BCAS3: variants seen among roughly 807,000 people sequenced by gnomAD.
The protein encoded by BCAS3 is BCAS3 microtubule associated cell migration factor, also known as BCAS4/BCAS3 fusion.
BCAS3 carries 53 observed loss-of-function variants against 116.1 expected under a neutral mutation model. The observed-to-expected ratio is 0.46, with a 90% confidence interval of 0.37 to 0.57. The LOEUF (loss-of-function observed/expected upper bound fraction) is 0.57. Among genes scored for constraint, BCAS3 ranks in the 20% least tolerant of loss-of-function variants. The pLI is 0.00. For synonymous variants in BCAS3, 391 were observed against 408.2 expected, an observed-to-expected ratio of 0.96 and a Z score of 0.51; for missense variants, 917 against 1,165.4, an observed-to-expected ratio of 0.79 and a Z score of 3.10.
intron 7 of BCAS3, among the ~76,000 whole-genome samples, chr17:60,850,104 A>G (rs957397352): frequency 2.0e-5 from 3 of 152,046 alleles, no homozygotes; most frequent in African/African-American, 4.8e-5. Flanking sequence ...CCCATCATTA[A>G]CACATTAAAT....
intron 5 of BCAS3, among the ~76,000 whole-genome samples, chr17:60,730,279 C>T (rs939928192): frequency 6.6e-6 from 1 of 152,138 alleles, no homozygotes; most frequent in Non-Finnish European, 1.5e-5. Flanking sequence ...TTACAAGTTC[C>T]ATTCATTATT....
At chr17:61,091,735 A>G (rs1315604635) in intron 22 of BCAS3, among the ~76,000 whole-genome samples, 1 of 152,222 alleles carries the variant, frequency 6.6e-6, no homozygotes, top group African/African-American at 2.4e-5. Flanking sequence ...GTTGTTCCAG[A>G]GAAAAGTCTT....
rs2054117959 is a variant in BCAS3, at chr17:61,309,392, T to A, written c.2426-58935T>A. On this transcript the variant is annotated intron_variant, in intron 22 of 23. Coordinates refer to ENST00000407086, the MANE Select transcript of BCAS3 (RefSeq NM_017679.5). The surrounding 1 kb of genome is among the most constrained non-coding windows in gnomAD (Gnocchi z 4.6). ...ATGAGCATGCCTGAGTACTGAACACTACCGTGTCACTCCCCATGTTGCCAT... is the reference window on the plus strand; with the variant it reads ...ATGAGCATGCCTGAGTACTGAACACAACCGTGTCACTCCCCATGTTGCCAT... Among the ~76,000 whole-genome samples, 1 of 151,968 alleles carries A rather than the reference T, an allele frequency of 6.6e-6. No individual in the cohort carries two copies. The highest frequency in any genetic ancestry group is 1.5e-5 in the Non-Finnish European group (1 of 67,986).
intron 22 of BCAS3, among the ~76,000 whole-genome samples, chr17:61,284,957 G>T (rs2051605156): frequency 6.6e-6 from 1 of 152,218 alleles, no homozygotes; most frequent in Non-Finnish European, 1.5e-5. Flanking sequence ...TATAAGTGAA[G>T]TTTTCAAGCA....
At chr17:60,692,507 G>T (rs892385443) in intron 4 of BCAS3, among the ~76,000 whole-genome samples, 7 of 152,130 alleles carry the variant, frequency 4.6e-5, no homozygotes, top group Non-Finnish European at 7.4e-5. Context: ...CTCCCAAAGT[G>T]CTGGGATTAC....
chr17:61,306,731 G>T (rs922808635), intron 22 of BCAS3, among the ~76,000 whole-genome samples: 1 of 152,150 alleles, frequency 6.6e-6, no homozygotes, highest in Non-Finnish European at 1.5e-5. Flanking sequence ...AGCTGTGTGA[G>T]CTGTGTGAGC....
In BCAS3 at chr17:60,889,718, A is replaced by C. The variant is rs1180412407; in HGVS notation, c.685A>C (p.Asn229His). ...VTSCYPCPGP[N>H]MNPIALGSRW... ...AGGCTGCTATCCATGTCCAGGGCCAAACATGAATCCTATTGCTCTTGGGAG... is the reference window on the plus strand; with the variant it reads ...AGGCTGCTATCCATGTCCAGGGCCACACATGAATCCTATTGCTCTTGGGAG... The change falls in exon 10 of 24, where the codon AAC becomes CAC. Residue 229 changes from asparagine (N) to histidine (H), a missense_variant. Asn to His is a moderately conservative substitution (Grantham distance 68, BLOSUM62 1). This residue lies in a region of BCAS3 where 807 missense variants were observed against 1,026.0 expected (regional missense o/e 0.79). Coordinates refer to ENST00000407086, the MANE Select transcript of BCAS3 (RefSeq NM_017679.5). 6.2e-7 allele frequency: 1 copy of C among 1,613,268 alleles called. No individual in the cohort carries two copies. Among genetic ancestry groups the C allele is most frequent in the African/African-American group, 1.3e-5 (1 of 74,912 alleles).
chr17:61,119,744 T>G (rs1202890453), intron 22 of BCAS3, among the ~76,000 whole-genome samples: 1 of 152,012 alleles, frequency 6.6e-6, no homozygotes, highest in Non-Finnish European at 1.5e-5. Context: ...GACAATATAA[T>G]TTTTTCACTT....
At chr17:60,785,698 A>G (rs1028994638) in intron 6 of BCAS3, among the ~76,000 whole-genome samples, 1 of 152,230 alleles carries the variant, frequency 6.6e-6, no homozygotes, top group African/African-American at 2.4e-5. Flanking sequence ...ATAATAAGAT[A>G]CAGAGCAATG....
chr17:61,268,908 A>G (rs1215454368), intron 22 of BCAS3, among the ~76,000 whole-genome samples: 1 of 152,074 alleles, frequency 6.6e-6, no homozygotes, highest in Non-Finnish European at 1.5e-5. Context: ...GATGTCCTCA[A>G]GAGTCATCCA....
intron 15 of BCAS3, among the ~76,000 whole-genome samples, chr17:60,998,172 G>A (rs947520474): frequency 1.3e-5 from 2 of 152,080 alleles, no homozygotes; most frequent in Non-Finnish European, 2.9e-5. Context: ...CAAAGGACAC[G>A]ATTTTATTCT....
At chr17:60,736,490 G>A (rs1181094657) in intron 5 of BCAS3, among the ~76,000 whole-genome samples, 4 of 151,920 alleles carry the variant, frequency 2.6e-5, no homozygotes, top group African/African-American at 7.3e-5. Flanking sequence ...ACAGCCTAAC[G>A]TCTTTTTTAT....
At chr17:61,240,773 A>G (rs2047445316) in intron 22 of BCAS3, among the ~76,000 whole-genome samples, 1 of 152,232 alleles carries the variant, frequency 6.6e-6, no homozygotes, top group Non-Finnish European at 1.5e-5. Flanking sequence ...AGATTCATTT[A>G]CCTATATCAT....
chr17:61,263,593 A>G (rs1221258598), intron 22 of BCAS3, among the ~76,000 whole-genome samples: 4 of 152,238 alleles, frequency 2.6e-5, no homozygotes, highest in South Asian at 2.1e-4. Context: ...GGTGTTTTTC[A>G]TAGTATTTTT....
At position 61,214,928 on chromosome 17, in the gene BCAS3, C is replaced by T. The variant is rs2081695332; in HGVS notation, c.2425+130364C>T. Among the ~76,000 whole-genome samples, 1 of 152,096 alleles carries T rather than the reference C, an allele frequency of 6.6e-6. No individual in the cohort carries two copies. Among genetic ancestry groups the T allele is most frequent in the Non-Finnish European group, 1.5e-5 (1 of 68,020 alleles). ...TTCACTGCAGAAAATTTACCACTTG[C>T]ATGTACTTACTGCATTGGTTTACCC... On this transcript the variant is annotated intron_variant, in intron 22 of 23. Coordinates refer to ENST00000407086, the MANE Select transcript of BCAS3 (RefSeq NM_017679.5). This position sits in a 1 kb window ranked among gnomAD's most constrained non-coding sequence, Gnocchi z 4.4.
At position 61,388,650 on chromosome 17, in the gene BCAS3, C is replaced by T; in HGVS notation, c.2594-3327C>T. 6.5e-7 allele frequency: 1 copy of T among 1,542,734 alleles called. No homozygotes were observed. Among genetic ancestry groups the T allele is most frequent in the Non-Finnish European group, 8.7e-7 (1 of 1,151,484 alleles). On this transcript the variant is annotated intron_variant, in intron 23 of 23. Transcript: ENST00000407086. The surrounding 1 kb of genome is among the most constrained non-coding windows in gnomAD (Gnocchi z 6.5). ...AAAAGGAAAAAAAAAACAATGCCAA[C>T]AGCCCAGCGTCCGTGAGCAACCCAA...
chr17:60,886,208 C>G (rs1402699859), intron 9 of BCAS3, among the ~76,000 whole-genome samples: 109 of 144,850 alleles, frequency 7.5e-4, no homozygotes, highest in Middle Eastern at 3.4e-3. Context: ...TCTTCCATTG[C>G]TGATACCCTT....
intron 14 of BCAS3, among the ~76,000 whole-genome samples, chr17:60,979,051 T>C (rs2062615646): frequency 7.0e-6 from 1 of 142,872 alleles, no homozygotes; most frequent in Non-Finnish European, 1.5e-5. Flanking sequence ...AAGTCATTGG[T>C]AGCTTGATGG....
In BCAS3 at chr17:61,243,857, G is replaced by A. The variant is rs1288704419; in HGVS notation, c.2426-124470G>A. 1.3e-5 allele frequency among the ~76,000 whole-genome samples: 2 copies of A among 152,154 alleles called. No homozygotes were observed. The highest frequency in any genetic ancestry group is 4.8e-5 in the African/African-American group (2 of 41,428). On this transcript the variant is annotated intron_variant, in intron 22 of 23. Coordinates refer to ENST00000407086, the MANE Select transcript of BCAS3 (RefSeq NM_017679.5). The surrounding 1 kb of genome is among the most constrained non-coding windows in gnomAD (Gnocchi z 5.6). ...CTGGAGTGCGCTGGTATGACCATAG[G>A]TCTCTGCAGCCTCAAACTCCTAGGC...
Sources: allele counts gnomAD v4.1 joint callset (sites outside exome capture counted in the v4.1 genomes callset), GRCh38; gene constraint gnomAD v4.1.1; regional missense constraint gnomAD v4.1.1; non-coding constraint Gnocchi (gnomAD v3.1); transcripts MANE v1.5; gene names NCBI Gene and HGNC (gene_info 2026-07-23, HGNC 2026-07-21).